The following CDYL2 variants were observed in gnomAD, a reference collection of about 807,000 sequenced individuals.
The protein encoded by CDYL2 is chromodomain Y-like protein 2.
In CDYL2, 23 loss-of-function variants were observed where a neutral mutation model predicts 49.4. The ratio of observed to expected loss-of-function variants is 0.47; its 90% CI spans 0.34 to 0.66. The LOEUF is 0.66. CDYL2 is among the 30% of genes least tolerant of loss of function. The pLI is 0.01. For synonymous variants in CDYL2, 360 were observed against 268.8 expected, an observed-to-expected ratio of 1.34 and a Z score of -3.32; for missense variants, 678 against 656.4, an observed-to-expected ratio of 1.03 and a Z score of -0.36.
At chr16:80,723,584 A>G (rs975131878) in intron 1 of CDYL2, among the ~76,000 whole-genome samples, 2 of 152,206 alleles carry the variant, frequency 1.3e-5, no homozygotes, top group Non-Finnish European at 2.9e-5. Context: ...CTGATTCCAC[A>G]GGATAGTCCC....
chr16:80,639,091 G>C (rs560282231), intron 2 of CDYL2, among the ~76,000 whole-genome samples: 21 of 152,268 alleles, frequency 1.4e-4, no homozygotes, highest in African/African-American at 3.9e-4. Flanking sequence ...CAAGCATATT[G>C]AAATGACATT....
At chr16:80,637,615 C>T (rs76604814) in intron 2 of CDYL2, among the ~76,000 whole-genome samples, 23,991 of 152,172 alleles carry the variant, frequency 0.16, 2,344 homozygotes, top group Admixed American at 0.29. Context: ...AAGTCAGTTA[C>T]TTTTGCACAT....
At chr16:80,779,698 A>C (rs1386715669) in intron 1 of CDYL2, among the ~76,000 whole-genome samples, 2 of 152,156 alleles carry the variant, frequency 1.3e-5, no homozygotes, top group Non-Finnish European at 2.9e-5. Flanking sequence ...AAATGAAGTA[A>C]GGAAATACTT....
chr16:80,603,697 A>G lies in CDYL2; in HGVS notation c.*691T>C, dbSNP rs765475011. ...TAAAACAAGTCCAAGGAAAGAAAAAACATTTCCCTAGTAGTTTGTTTTTGC... is the reference window on the plus strand; with the variant it reads ...TAAAACAAGTCCAAGGAAAGAAAAAGCATTTCCCTAGTAGTTTGTTTTTGC... On this transcript the variant is annotated 3_prime_UTR_variant, in exon 7 of 7. Transcript: ENST00000570137. The G allele has an allele frequency of 6.6e-6, 1 of 152,660 alleles. No homozygotes were observed. The highest frequency in any genetic ancestry group is 1.5e-5 in the Non-Finnish European group (1 of 68,042). The allele number at this position is 152,660 out of a possible 1,614,324, so 9.5% of individuals were successfully genotyped here. A position where few individuals can be genotyped will look rare whatever the true frequency, so the allele number is the denominator to read the frequency against.
chr16:80,747,691 T>C (rs1905980906), intron 1 of CDYL2, among the ~76,000 whole-genome samples: 1 of 151,742 alleles, frequency 6.6e-6, no homozygotes, highest in Non-Finnish European at 1.5e-5. Context: ...GACAAAAGAG[T>C]CACAGCCACA....
intron 2 of CDYL2, among the ~76,000 whole-genome samples, chr16:80,676,840 G>A (rs1003031465): frequency 2.0e-4 from 31 of 152,174 alleles, no homozygotes; most frequent in African/African-American, 7.2e-4. Flanking sequence ...GGGGTTATCT[G>A]CTCTAGAATG....
At chr16:80,759,271 G>A (rs1212929707) in intron 1 of CDYL2, among the ~76,000 whole-genome samples, 1 of 151,098 alleles carries the variant, frequency 6.6e-6, no homozygotes, top group African/African-American at 2.4e-5. Flanking sequence ...TCTGTGTTGG[G>A]TATATTTGTG....
At chr16:80,707,007 G>C (rs1201651641) in intron 1 of CDYL2, among the ~76,000 whole-genome samples, 1 of 152,170 alleles carries the variant, frequency 6.6e-6, no homozygotes, top group Non-Finnish European at 1.5e-5. Flanking sequence ...CGTACAGATT[G>C]ATGAAGGCAT....
intron 1 of CDYL2, among the ~76,000 whole-genome samples, chr16:80,695,837 G>C (rs1910595494): frequency 6.6e-6 from 1 of 152,162 alleles, no homozygotes; most frequent in African/African-American, 2.4e-5. Flanking sequence ...CTCAGCACGA[G>C]ACAGATCAAG....
intron 3 of CDYL2, among the ~76,000 whole-genome samples, chr16:80,621,727 A>C (rs999244047): frequency 6.6e-6 from 1 of 152,232 alleles, no homozygotes; most frequent in Non-Finnish European, 1.5e-5. Flanking sequence ...CTGACATGGA[A>C]GAACTGTGCT....
chr16:80,655,539 T>G (rs1908768904), intron 2 of CDYL2, among the ~76,000 whole-genome samples: 2 of 152,156 alleles, frequency 1.3e-5, no homozygotes, highest in South Asian at 4.2e-4. Flanking sequence ...AATCTCATGG[T>G]CTTTCCATTA....
In CDYL2 at chr16:80,681,402, T is replaced by A. The variant is rs78083018; in HGVS notation, c.616+3136A>T. On this transcript the variant is annotated intron_variant, in intron 2 of 6. Coordinates refer to ENST00000570137, the MANE Select transcript of CDYL2 (RefSeq NM_152342.4). ...TTCAGGGCTACGTGGGCCTGAACAC[T>A]GGCTTCAGCAAAGCTTCCCTCTGGC... 9.1e-3 allele frequency among the ~76,000 whole-genome samples: 1,381 copies of A among 152,254 alleles called. 26 individuals carry two copies. The highest frequency in any genetic ancestry group is 0.031 in the African/African-American group (1,300 of 41,542).
At position 80,601,570 on chromosome 16, in the gene CDYL2, C is replaced by G. The variant is rs980212873; in HGVS notation, c.*2818G>C. 6.6e-6 allele frequency: 1 copy of G among 152,128 alleles called. No homozygotes were observed. The allele number at this position is 152,128 out of a possible 1,614,324, so 9.4% of individuals were successfully genotyped here. On this transcript the variant is annotated 3_prime_UTR_variant, in exon 7 of 7. Coordinates refer to ENST00000570137, the MANE Select transcript of CDYL2 (RefSeq NM_152342.4). Reference sequence around the variant, plus strand: ...TCAAAAATGAAAGTCTGAGCTCTGTCTCAGGAAAGCTATTAGGATAAACCC... The same window carrying G: ...TCAAAAATGAAAGTCTGAGCTCTGTGTCAGGAAAGCTATTAGGATAAACCC...
intron 1 of CDYL2, chr16:80,736,604 T>C (rs1189712236): frequency 1.3e-5 from 2 of 152,074 alleles, no homozygotes; most frequent in Non-Finnish European, 2.9e-5. Context: ...GATGTCTGAG[T>C]TCAAAAAGTA....
intron 1 of CDYL2, among the ~76,000 whole-genome samples, chr16:80,752,736 C>A (rs1906178505): frequency 6.6e-6 from 1 of 152,334 alleles, no homozygotes; most frequent in South Asian, 2.1e-4. Flanking sequence ...CGGGAAAGCT[C>A]TGTCAGTGTT....
chr16:80,611,426 G>C (rs1906589933), intron 5 of CDYL2, among the ~76,000 whole-genome samples: 1 of 152,130 alleles, frequency 6.6e-6, no homozygotes, highest in African/African-American at 2.4e-5. Flanking sequence ...TGGCTGCTCT[G>C]AACAGCAGAG....
chr16:80,800,080 G>A (rs749957307), intron 1 of CDYL2, among the ~76,000 whole-genome samples: 1 of 152,148 alleles, frequency 6.6e-6, no homozygotes, highest in African/African-American at 2.4e-5. Flanking sequence ...ACTCTCACAG[G>A]GAAAGAGAAA....
At chr16:80,672,408 C>G (rs567412036) in intron 2 of CDYL2, among the ~76,000 whole-genome samples, 4 of 146,134 alleles carry the variant, frequency 2.7e-5, no homozygotes, top group Non-Finnish European at 4.5e-5. Flanking sequence ...TGATTAAGAT[C>G]TAATGATACA....
intron 2 of CDYL2, among the ~76,000 whole-genome samples, chr16:80,676,827 G>T (rs1909762448): frequency 6.6e-6 from 1 of 152,084 alleles, no homozygotes; most frequent in South Asian, 2.1e-4. Context: ...TTTGGATAAG[G>T]GAGGGGTTAT....
Sources: gnomAD v4.1 joint callset for allele counts (sites outside exome capture counted in the v4.1 genomes callset) on GRCh38, gnomAD v4.1.1 for gene constraint, MANE v1.5 for transcripts, NCBI Gene and HGNC (gene_info 2026-07-23, HGNC 2026-07-21) for gene names.